FBRS: variants seen among roughly 807,000 people sequenced by gnomAD.
FBRS encodes the protein probable fibrosin-1.
FBRS carries 15 observed loss-of-function variants against 86.1 expected under a neutral mutation model. That is an observed-to-expected ratio of 0.17 (90% CI 0.12 to 0.27). The LOEUF (loss-of-function observed/expected upper bound fraction) is 0.27, where lower values mean the gene tolerates loss of function less well. Ranked by LOEUF, FBRS falls within the 10% of genes least tolerant of loss-of-function variation. The probability of loss-of-function intolerance (pLI) is 1.00; values close to 1 mark genes in which losing one functional copy is unlikely to be tolerated. For missense variants in FBRS, 1,367 were observed against 1,301.6 expected (o/e 1.05, Z -0.77); for synonymous variants, 666 against 575.8 (o/e 1.16, Z -2.24).
At chr16:30,667,227 A>G in intron 13 of FBRS, 93 bp from the exon 14 acceptor site, 1 of 1,126,994 alleles carries the variant, frequency 8.9e-7, no homozygotes, top group South Asian at 1.5e-5. Context: ...TCTGGGTGCC[A>G]GCCAGCCTTT....
chr16:30,667,023 C>A, intron 13 of FBRS, 33 bp downstream of exon 13: 1 of 1,581,198 alleles, frequency 6.3e-7, no homozygotes, highest in South Asian at 1.1e-5. Context: ...GAGAGTGGGT[C>A]TCAGAGTCAG....
Position 30,661,348 on chromosome 16 carries a change from A to C in FBRS, c.705+15A>C. The C allele has an allele frequency of 5.8e-6, 9 of 1,550,094 alleles. No individual in the cohort carries two copies. The highest frequency in any genetic ancestry group is 7.8e-6 in the Non-Finnish European group (9 of 1,146,880). On this transcript the variant is annotated intron_variant, in intron 4 of 17. Transcript: ENST00000356166. ...TGGACGAGAGGGTGAGTGGGGCTAG[A>C]GCTTGGGTGGGCAGTGTCACTGCTT...
intron 4 of FBRS, 176 bp from the exon 5 acceptor site, chr16:30,662,244 C>G: frequency 1.0e-6 from 1 of 973,346 alleles, no homozygotes; most frequent in Non-Finnish European, 1.5e-6. Context: ...CTCCACTCTG[C>G]TTTTTCTCCA....
In FBRS at chr16:30,660,359, C is replaced by T. The variant is rs758952373; in HGVS notation, c.556C>T (p.Pro186Ser). ...RGGSSGATGE[P>S]GDSSDREPGR... ...GGGCTCCAGTGGGGCCACCGGGGAG[C>T]CAGGGGACAGCTCTGATCGAGAGCC... Residue 186 changes from proline (P) to serine (S), a missense_variant, in exon 2 of 18, where the codon CCA (proline) becomes TCA (serine). Physicochemically the swap from Pro to Ser is moderately conservative, Grantham distance 74. Transcript: ENST00000356166. The T allele has an allele frequency of 2.3e-6, 3 of 1,285,642 alleles. No homozygotes were observed. Among genetic ancestry groups the T allele is most frequent in the Non-Finnish European group, 3.0e-6 (3 of 1,007,048 alleles). 79.6% of individuals were successfully genotyped at this position (1,285,642 alleles called of 1,614,324 possible).
In FBRS at chr16:30,669,665, G is replaced by T; in HGVS notation, c.*20G>T. 6.4e-7 allele frequency: 1 copy of T among 1,567,520 alleles called. No individual in the cohort carries two copies. On this transcript the variant is annotated 3_prime_UTR_variant, in exon 18 of 18. Coordinates refer to ENST00000356166, the MANE Select transcript of FBRS (RefSeq NM_001105079.3). The surrounding 1 kb of genome is among the most constrained non-coding windows in gnomAD (Gnocchi z 5.9). ...AGGTGAGGGGAACGGGGGGGGGTCG[G>T]GGCAAAGCTCCATCTCCCCTTCCTT...
intron 7 of FBRS, 56 bp from the exon 8 acceptor site, chr16:30,664,659 C>T: frequency 3.4e-6 from 5 of 1,459,358 alleles, no homozygotes; most frequent in Admixed American, 2.6e-5. Context: ...GTCACCTGGG[C>T]CCAAGGAGGC....
intron 13 of FBRS, among the ~76,000 whole-genome samples, 164 bp downstream of exon 13, chr16:30,667,154 G>C (rs982456844): frequency 7.9e-5 from 12 of 152,190 alleles, no homozygotes; most frequent in Admixed American, 2.0e-4. Flanking sequence ...TAGTTCTCTG[G>C]CTCATTAGGG....
rs199737842 is a variant in FBRS, at chr16:30,669,491, C to T, written c.2789C>T (p.Ala930Val). Reference protein sequence around the residue: ...PAHPLLYSRLAPPPPPAAAPG... With the variant: ...PAHPLLYSRLVPPPPPAAAPG... ...CACCCCTTGCTCTACAGCCGCTTGG[C>T]TCCTCCACCACCACCTGCTGCGGCC... Residue 930 changes from alanine (A) to valine (V), a missense_variant, in exon 18 of 18, where the codon GCT becomes GTT. Ala to Val is a moderately conservative substitution (Grantham distance 64). Around this residue, in one of 3 missense-constraint regions of FBRS, gnomAD observed 659 missense variants for 678.8 expected, o/e 0.97. Transcript: ENST00000356166. This position sits in a 1 kb window ranked among gnomAD's most constrained non-coding sequence, Gnocchi z 5.9. 1.2e-6 allele frequency: 2 copies of T among 1,613,250 alleles called. No individual in the cohort carries two copies. Among genetic ancestry groups the T allele is most frequent in the Non-Finnish European group, 8.5e-7 (1 of 1,179,794 alleles).
chr16:30,667,479 A>C, intron 14 of FBRS, 42 bp downstream of exon 14: 1 of 1,516,672 alleles, frequency 6.6e-7, no homozygotes, highest in South Asian at 1.2e-5. Flanking sequence ...TTCCCTGTCT[A>C]TAGCCTGAGG....
rs548361821 is a variant in FBRS at position 30,664,232 on chromosome 16, C to A, written c.1073C>A (p.Pro358His). 20 of 1,443,392 alleles carry A rather than the reference C, an allele frequency of 1.4e-5. No homozygotes were observed. Among genetic ancestry groups the A allele is most frequent in the African/African-American group, 4.3e-5 (3 of 70,138 alleles). The allele number at this position is 1,443,392 out of a possible 1,614,324, so 89.4% of individuals were successfully genotyped here. Residue 358 changes from proline to histidine, a missense_variant, in exon 7 of 18, where the codon CCC becomes CAC. This residue lies in a region of FBRS where 702 missense variants were observed against 598.7 expected (regional missense o/e 1.17). Coordinates refer to ENST00000356166, the MANE Select transcript of FBRS (RefSeq NM_001105079.3). ...LSTGSSSRPP[P>H]KAPAPPVAQP... Reference sequence around the variant, plus strand: ...CTCCCCAGCTCTTCACGGCCGCCCCCCAAGGCCCCGGCCCCTCCCGTGGCT... The same window carrying A: ...CTCCCCAGCTCTTCACGGCCGCCCCACAAGGCCCCGGCCCCTCCCGTGGCT...
At position 30,667,547 on chromosome 16, in the gene FBRS, G is replaced by T; in HGVS notation, c.1999G>T (p.Val667Phe). The stretch of plus-strand genomic sequence containing the variant: ...CTCCCACCTCTCTGCCCCAGGTGCC[G>T]TCCACGCTGCAGCCAACCCTTTCAC... ...PASLFTATGA[V>F]HAAANPFTAA... The change falls in exon 15 of 18, where the codon GTC becomes TTC. Residue 667 changes from valine (V) to phenylalanine (F), a missense_variant. By Grantham distance (50) the Val-to-Phe change is conservative. This residue lies in a region of FBRS where 659 missense variants were observed against 678.8 expected (regional missense o/e 0.97). Transcript: ENST00000356166. 6.5e-7 allele frequency: 1 copy of T among 1,537,912 alleles called. No homozygotes were observed. Among genetic ancestry groups the T allele is most frequent in the South Asian group, 1.2e-5 (1 of 82,318 alleles).
In FBRS at chr16:30,659,460, C is replaced by T. The variant is rs1179752133; in HGVS notation, c.-59C>T. On this transcript the variant is annotated 5_prime_UTR_variant, in exon 1 of 18. Transcript: ENST00000356166. The stretch of plus-strand genomic sequence containing the variant: ...CAGCGCCGCGCCTGCGACCCCGGGC[C>T]TGCGGACAGGCCGCTTCGGGCCCCG... 1.4e-4 allele frequency: 36 copies of T among 249,774 alleles called. No homozygotes were observed. The East Asian group carries it at 2.0e-3, about 14-fold the overall frequency. The allele number at this position is 249,774 out of a possible 1,614,324, so 15.5% of individuals were successfully genotyped here.
rs1375229231 is a variant in FBRS at position 30,669,908 on chromosome 16, C to T, written c.*263C>T. On this transcript the variant is annotated 3_prime_UTR_variant, in exon 18 of 18. Transcript: ENST00000356166. This position sits in a 1 kb window ranked among gnomAD's most constrained non-coding sequence, Gnocchi z 5.9. ...TGGGAGTGTGGCTCATCTCGGGGGC[C>T]ATGGGGCCTCCTGAGGTACACCTTT... 2 of 592,696 alleles carry T rather than the reference C, an allele frequency of 3.4e-6. No homozygotes were observed. The highest frequency in any genetic ancestry group is 5.9e-6 in the Non-Finnish European group (2 of 336,478). 36.7% of individuals were successfully genotyped at this position (592,696 alleles called of 1,614,324 possible).
At chr16:30,662,221 T>C in intron 4 of FBRS, 199 bp from the exon 5 acceptor site, 1 of 782,530 alleles carries the variant, frequency 1.3e-6, no homozygotes, top group Non-Finnish European at 2.0e-6. Context: ...TATCGGATTC[T>C]TGGGGTCAGC....
chr16:30,662,591 T>G lies in FBRS; in HGVS notation c.787T>G (p.Cys263Gly), dbSNP rs759576828. 7 of 1,541,640 alleles carry G rather than the reference T, an allele frequency of 4.5e-6. No homozygotes were observed. In the African/African-American group the frequency reaches 8.2e-5, roughly 18 times the overall value. Residue 263 changes from cysteine (C) to glycine (G), a missense_variant, in exon 6 of 18, where the codon TGT becomes GGT. Cys to Gly is a radical substitution (Grantham distance 159). Coordinates refer to ENST00000356166, the MANE Select transcript of FBRS (RefSeq NM_001105079.3). The part of the protein sequence containing the change: ...SGPHGAFNGN[C>G]EAKLSVVPKV... The stretch of plus-strand genomic sequence containing the variant: ...CCCCCACGGCGCCTTCAATGGGAAC[T>G]GTGAAGCAAAACTCTCCGTGGTCCC...
rs770829251 is a variant in FBRS at position 30,668,995 on chromosome 16, A to ACCCTGC, written c.2366+26_2366+31dup. On this transcript the variant is annotated intron_variant, in intron 17 of 17. Transcript: ENST00000356166. The stretch of plus-strand genomic sequence containing the variant: ...AGAAGGACAGGTGTGCCTCCCACCC[A>ACCCTGC]CCCTGCCCCTGCCCCACCCTCAGCC... 3.1e-5 allele frequency: 20 copies of ACCCTGC among 636,300 alleles called. No individual in the cohort carries two copies. Among genetic ancestry groups the ACCCTGC allele is most frequent in the South Asian group, 2.9e-4 (10 of 35,068 alleles). 39.4% of individuals were successfully genotyped at this position (636,300 alleles called of 1,614,324 possible).
Position 30,663,040 on chromosome 16 carries a change from A to G in FBRS, c.1055+181A>G, listed in dbSNP as rs2052480179. The G allele has an allele frequency of 5.3e-6, 6 of 1,136,666 alleles. No individual in the cohort carries two copies. In the South Asian group the frequency reaches 2.3e-4, roughly 44 times the overall value. 70.4% of individuals were successfully genotyped at this position (1,136,666 alleles called of 1,614,324 possible). On this transcript the variant is annotated intron_variant, in intron 6 of 17. Coordinates refer to ENST00000356166, the MANE Select transcript of FBRS (RefSeq NM_001105079.3). ...TTGAGTCCGTTACACATTCCCATGC[A>G]GGGGAATCCAGGCTGTGCTGTTTCC...
In FBRS at chr16:30,664,264, C is replaced by A. The variant is rs1399922535; in HGVS notation, c.1105C>A (p.Pro369Thr). The change falls in exon 7 of 18, where the codon CCC (proline) becomes ACC (threonine). Residue 369 changes from proline (P) to threonine (T), a missense_variant. By Grantham distance (38) the Pro-to-Thr change is conservative (BLOSUM62 -1). This residue lies in a region of FBRS where 702 missense variants were observed against 598.7 expected (regional missense o/e 1.17). Coordinates refer to ENST00000356166, the MANE Select transcript of FBRS (RefSeq NM_001105079.3). The part of the protein sequence containing the change: ...KAPAPPVAQP[P>T]PSSSSSSSSS... Reference sequence around the variant, plus strand: ...CCCGGCCCCTCCCGTGGCTCAGCCTCCCCCCTCATCATCCTCTTCGTCCTC... The same window carrying A: ...CCCGGCCCCTCCCGTGGCTCAGCCTACCCCCTCATCATCCTCTTCGTCCTC... 4 of 1,484,160 alleles carry A rather than the reference C, an allele frequency of 2.7e-6. No homozygotes were observed. Among genetic ancestry groups the A allele is most frequent in the Admixed American group, 2.2e-5 (1 of 46,420 alleles). The allele number at this position is 1,484,160 out of a possible 1,614,324, so 91.9% of individuals were successfully genotyped here.
chr16:30,668,445 C>A, intron 15 of FBRS, 115 bp from the exon 16 acceptor site: 1 of 884,434 alleles, frequency 1.1e-6, no homozygotes, highest in Non-Finnish European at 1.8e-6. Context: ...CACATGGCTG[C>A]TGAAAGCAGG....
Sources: gnomAD v4.1 joint callset for allele counts (sites outside exome capture counted in the v4.1 genomes callset) on GRCh38, gnomAD v4.1.1 for gene constraint, gnomAD v4.1.1 regional missense constraint, Gnocchi (gnomAD v3.1) non-coding constraint, MANE v1.5 for transcripts, NCBI Gene and HGNC (gene_info 2026-07-23, HGNC 2026-07-21) for gene names.